The following LRRC37A2 variants were observed in gnomAD, a reference collection of about 807,000 sequenced individuals.
The protein encoded by LRRC37A2 is leucine rich repeat containing 37 member A2.
A neutral mutation model predicts 68.8 loss-of-function variants in LRRC37A2; 9 were observed. The ratio of observed to expected loss-of-function variants is 0.13; its 90% CI spans 0.08 to 0.23. The LOEUF is 0.23. Among genes scored for constraint, LRRC37A2 ranks in the 10% least tolerant of loss-of-function variants. LRRC37A2 has a pLI of 1.00. For synonymous variants in LRRC37A2, 63 were observed against 367.6 expected (o/e 0.17, Z 9.48); for missense variants, 168 against 950.4 (o/e 0.18, Z 10.82).
chr17:47,005,451 C>T, the LRRC37A2 span, among the ~76,000 whole-genome samples: 1 of 152,156 alleles, frequency 6.6e-6, no homozygotes, highest in Non-Finnish European at 1.5e-5. Flanking sequence ...TAGCCCTCTG[C>T]AGTGTTTTTT....
the LRRC37A2 span, chr17:46,923,177 C>G: frequency 4.0e-4 from 611 of 1,526,464 alleles, 2 homozygotes; most frequent in African/African-American, 7.7e-3. Context: ...GAGCCGTGGC[C>G]TGCGGGGCCG....
At chr17:46,936,569 A>G in the LRRC37A2 span, 1 of 985,576 alleles carries the variant, frequency 1.0e-6, no homozygotes, top group African/African-American at 1.7e-5. Context: ...TTCAAAAGGA[A>G]CATAGGAGAG....
the LRRC37A2 span, among the ~76,000 whole-genome samples, chr17:46,995,968 C>T: frequency 4.6e-5 from 7 of 152,108 alleles, no homozygotes; most frequent in African/African-American, 1.7e-4. Context: ...TGCTGGAACC[C>T]CATCCATGCT....
the LRRC37A2 span, chr17:46,940,207 A>G: frequency 7.1e-7 from 1 of 1,400,136 alleles, no homozygotes; most frequent in East Asian, 2.6e-5. Flanking sequence ...AGTTTTCTTA[A>G]TTGTCATAGA....
the LRRC37A2 span, among the ~76,000 whole-genome samples, chr17:46,733,062 G>A: frequency 6.6e-6 from 1 of 152,198 alleles, no homozygotes; most frequent in Non-Finnish European, 1.5e-5. Context: ...CGTACAATTT[G>A]TCCAGTGTTA....
At chr17:46,621,836 T>TG in the LRRC37A2 span, among the ~76,000 whole-genome samples, 1 of 129,654 alleles carries the variant, frequency 7.7e-6, no homozygotes, top group East Asian at 2.1e-4. Context: ...CCTGATATCT[T>TG]CAAGTCTTTA....
At chr17:46,900,138 C>T in the LRRC37A2 span, among the ~76,000 whole-genome samples, 22 of 137,772 alleles carry the variant, frequency 1.6e-4, no homozygotes, top group African/African-American at 6.0e-4. Flanking sequence ...TCACCACCTC[C>T]TCCCATCCTT....
the LRRC37A2 span, among the ~76,000 whole-genome samples, chr17:46,961,830 G>C: frequency 6.6e-6 from 1 of 152,178 alleles, no homozygotes; most frequent in Non-Finnish European, 1.5e-5. Context: ...AATGCCTACT[G>C]TATGCAGAGC....
chr17:46,976,558 CAAAA>C, the LRRC37A2 span, among the ~76,000 whole-genome samples: 7 of 151,880 alleles, frequency 4.6e-5, no homozygotes, highest in East Asian at 2.0e-4. Flanking sequence ...AACAAACAAA[CAAAA>C]AACCAAAAAA....
At chr17:46,809,863 G>T in the LRRC37A2 span, among the ~76,000 whole-genome samples, 2 of 152,182 alleles carry the variant, frequency 1.3e-5, no homozygotes, top group Non-Finnish European at 2.9e-5. Flanking sequence ...AGGAGCTGAG[G>T]ACTCCCCTGT....
At chr17:46,853,014 C>T in the LRRC37A2 span, among the ~76,000 whole-genome samples, 2 of 152,170 alleles carry the variant, frequency 1.3e-5, no homozygotes, top group African/African-American at 4.8e-5. Flanking sequence ...GCCTCACTTT[C>T]TCCTTTTGTA....
chr17:46,862,053 C>A, the LRRC37A2 span, among the ~76,000 whole-genome samples: 17 of 151,192 alleles, frequency 1.1e-4, no homozygotes, highest in African/African-American at 4.1e-4. Flanking sequence ...ATCCCAGCTA[C>A]TTGGGAGGCT....
the LRRC37A2 span, among the ~76,000 whole-genome samples, chr17:46,905,352 A>T: frequency 0.86 from 131,011 of 152,178 alleles, 58,112 homozygotes; most frequent in East Asian, 0.97. Context: ...CTGGGATTAC[A>T]GATGTGAGCC....
At chr17:46,805,354 C>A in the LRRC37A2 span, among the ~76,000 whole-genome samples, 1 of 152,104 alleles carries the variant, frequency 6.6e-6, no homozygotes, top group East Asian at 1.9e-4. Flanking sequence ...GGGCGGGTCA[C>A]CTGAGGTCAG....
the LRRC37A2 span, chr17:46,964,089 A>C: frequency 2.6e-5 from 4 of 152,244 alleles, no homozygotes; most frequent in Non-Finnish European, 4.4e-5. Flanking sequence ...CCGGGATGAC[A>C]AGTGTGGCTG....
chr17:46,979,148 GC>G, the LRRC37A2 span: 1 of 935,970 alleles, frequency 1.1e-6, no homozygotes, highest in Non-Finnish European at 1.4e-6. Flanking sequence ...GAGGCTGGCT[GC>G]CTGCGCGCTC....
At chr17:46,749,768 A>C in the LRRC37A2 span, 59 of 1,612,270 alleles carry the variant, frequency 3.7e-5, no homozygotes, top group Non-Finnish European at 4.9e-5. Context: ...TCTCCCTATG[A>C]TCAGGGCCGC....
At chr17:46,900,162 C>CATACATAT in the LRRC37A2 span, among the ~76,000 whole-genome samples, 2 of 101,146 alleles carry the variant, frequency 2.0e-5, no homozygotes, top group Admixed American at 1.1e-4. Context: ...TATATATATA[C>CATACATAT]ATATACATAT....
the LRRC37A2 span, among the ~76,000 whole-genome samples, chr17:46,972,456 G>A: frequency 5.3e-5 from 8 of 152,242 alleles, no homozygotes; most frequent in African/African-American, 1.7e-4. Flanking sequence ...TGCACACTGG[G>A]CACCCCGAGC....
Sources: gnomAD v4.1 joint callset for allele counts (sites outside exome capture counted in the v4.1 genomes callset) on GRCh38, gnomAD v4.1.1 for gene constraint, MANE v1.5 for transcripts, NCBI Gene and HGNC (gene_info 2026-07-23, HGNC 2026-07-21) for gene names.